The following ADAT1 variants were observed in gnomAD, a reference collection of about 807,000 sequenced individuals.
ADAT1 encodes the protein tRNA-specific adenosine deaminase 1.
In ADAT1, 58 loss-of-function variants were observed where a neutral mutation model predicts 58.6. That is an observed-to-expected ratio of 0.99 (90% CI 0.80 to 1.23). The LOEUF is 1.23. Among genes scored for constraint, ADAT1 ranks in the 50% most tolerant of loss-of-function variants. The probability of loss-of-function intolerance (pLI) is 0.00; values close to 1 mark genes in which losing one functional copy is unlikely to be tolerated. For missense variants in ADAT1, 741 were observed against 608.6 expected, an observed-to-expected ratio of 1.22 and a Z score of -2.29; for synonymous variants, 254 against 220.8, an observed-to-expected ratio of 1.15 and a Z score of -1.33.
chr16:75,620,512 A>G, intron 2 of ADAT1, 119 bp downstream of exon 2: 1 of 1,424,846 alleles, frequency 7.0e-7, no homozygotes, highest in Non-Finnish European at 9.7e-7. Flanking sequence ...GCAGAGGACA[A>G]GCACATATGC....
chr16:75,609,410 T>C (rs539477557), intron 6 of ADAT1, among the ~76,000 whole-genome samples: 1 of 152,236 alleles, frequency 6.6e-6, no homozygotes, highest in African/African-American at 2.4e-5. Context: ...GCCAACATGA[T>C]GCTGGTCTAG....
Position 75,597,990 on chromosome 16 carries a change from C to T in ADAT1, c.*2226G>A, listed in dbSNP as rs533287750. 8 of 154,068 alleles carry T rather than the reference C, an allele frequency of 5.2e-5. No individual in the cohort carries two copies. Among genetic ancestry groups the T allele is most frequent in the Non-Finnish European group, 1.2e-4 (8 of 69,202 alleles). The allele number at this position is 154,068 out of a possible 1,614,324, so 9.5% of individuals were successfully genotyped here. The stretch of plus-strand genomic sequence containing the variant: ...GGTCTGTGGCTCTGGGGCTGGGGGC[C>T]CCTGCCCTAAAGCTTTTAGAGGAAG... On this transcript the variant is annotated 3_prime_UTR_variant, in exon 10 of 10. Coordinates refer to ENST00000564657, the MANE Select transcript of ADAT1 (RefSeq NM_001324445.2).
intron 5 of ADAT1, among the ~76,000 whole-genome samples, chr16:75,614,170 A>G (rs2081635423): frequency 6.6e-6 from 1 of 152,114 alleles, no homozygotes; most frequent in African/African-American, 2.4e-5. Flanking sequence ...AGCCTGGGTG[A>G]CAGAGGGAGA....
rs2081982850 is a variant in ADAT1, at chr16:75,623,087, G to A, written c.-706C>T. 1 of 152,356 alleles carries A rather than the reference G, an allele frequency of 6.6e-6. No homozygotes were observed. The highest frequency in any genetic ancestry group is 2.1e-4 in the South Asian group (1 of 4,840). 9.4% of individuals were successfully genotyped at this position (152,356 alleles called of 1,614,324 possible). A position where few individuals can be genotyped will look rare whatever the true frequency, so the allele number is the denominator to read the frequency against. The stretch of plus-strand genomic sequence containing the variant: ...AGGAGCTCTTCAGGCGCCGGCTGCT[G>A]ACAGTTCCAGGCGTGGAGCGCCTTC... On this transcript the variant is annotated 5_prime_UTR_variant, in exon 1 of 10. Transcript: ENST00000564657.
At position 75,612,767 on chromosome 16, in the gene ADAT1, G is replaced by T; in HGVS notation, c.519C>A (p.Ala173=). The T allele has an allele frequency of 1.2e-6, 2 of 1,614,072 alleles. No homozygotes were observed. Among genetic ancestry groups the T allele is most frequent in the Non-Finnish European group, 1.7e-6 (2 of 1,180,020 alleles). Reference sequence around the variant, plus strand: ...TTCCAGGAGCTTCCAGGTTACTACTGGCTTCTACTGATGAGTTGTGGGCCC... The same window carrying T: ...TTCCAGGAGCTTCCAGGTTACTACTTGCTTCTACTGATGAGTTGTGGGCCC... ...RNWAHNSSVE[A]SSNLEAPGNE... The change falls in exon 6 of 10, where the codon GCC becomes GCA. Residue 173 remains alanine, a synonymous_variant. Coordinates refer to ENST00000564657, the MANE Select transcript of ADAT1 (RefSeq NM_001324445.2).
intron 1 of ADAT1, among the ~76,000 whole-genome samples, chr16:75,621,508 C>A (rs7186971): frequency 0.097 from 14,761 of 151,900 alleles, 2,415 homozygotes; most frequent in East Asian, 0.72. Context: ...TAGTATCTAA[C>A]CTATTTAGAT....
intron 3 of ADAT1, 175 bp from the exon 4 acceptor site, chr16:75,618,815 A>G: frequency 1.5e-6 from 1 of 667,884 alleles, no homozygotes; most frequent in Non-Finnish European, 2.4e-6. Flanking sequence ...AGGGTTTCTC[A>G]ACCCAGCACT....
chr16:75,600,088 C>A lies in ADAT1; in HGVS notation c.*128G>T. 6.6e-7 allele frequency: 1 copy of A among 1,526,062 alleles called. No individual in the cohort carries two copies. Among genetic ancestry groups the A allele is most frequent in the Non-Finnish European group, 8.8e-7 (1 of 1,135,794 alleles). 94.5% of individuals were successfully genotyped at this position (1,526,062 alleles called of 1,614,324 possible). A position where few individuals can be genotyped will look rare whatever the true frequency, so the allele number is the denominator to read the frequency against. ...TAAGTTCCAGATTCCATCTGTATTA[C>A]ACAACAGAGATGCAAAGCTCAGAAA... On this transcript the variant is annotated 3_prime_UTR_variant, in exon 10 of 10. Transcript: ENST00000564657.
In ADAT1 at chr16:75,597,353, C is replaced by CA. The variant is rs2081095677; in HGVS notation, c.*2862dup. 2.2e-6 allele frequency: 1 copy of CA among 450,274 alleles called. No homozygotes were observed. The highest frequency in any genetic ancestry group is 1.6e-5 in the South Asian group (1 of 63,116). The allele number at this position is 450,274 out of a possible 1,614,324, so 27.9% of individuals were successfully genotyped here. On this transcript the variant is annotated 3_prime_UTR_variant, in exon 10 of 10. Transcript: ENST00000564657. ...GACGGAGGGAGAAACTGAAGTGATG[C>CA]AGCCACAAGCCAAGGACTGCCAGGA... is the stretch of plus-strand genomic sequence containing the variant.
chr16:75,603,527 T>C (rs2081281192), intron 8 of ADAT1, among the ~76,000 whole-genome samples: 1 of 152,222 alleles, frequency 6.6e-6, no homozygotes, highest in African/African-American at 2.4e-5. Context: ...GAAAGCTTTG[T>C]TTCAGAGATC....
chr16:75,609,062 T>C (rs2081445742), intron 6 of ADAT1, 74 bp from the exon 7 acceptor site: 1 of 1,548,746 alleles, frequency 6.5e-7, no homozygotes, highest in African/African-American at 1.4e-5. Context: ...GTGGCTCACA[T>C]CATCACCCCT....
rs1597099628 is a variant in ADAT1, at chr16:75,606,054, G to GT, written c.1289+2169_1289+2170insA. Reference sequence around the variant, plus strand: ...CTGTTGTTTGTTTTTTAGAGATTGGGGGGGGGGTCTCATTTTGTTGCCCAG... The same window carrying GT: ...CTGTTGTTTGTTTTTTAGAGATTGGGTGGGGGGGTCTCATTTTGTTGCCCAG... On this transcript the variant is annotated intron_variant, in intron 8 of 9. Coordinates refer to ENST00000564657, the MANE Select transcript of ADAT1 (RefSeq NM_001324445.2). 3.3e-5 allele frequency among the ~76,000 whole-genome samples: 5 copies of GT among 150,130 alleles called. No homozygotes were observed. The East Asian group carries it at 1.0e-3, about 31-fold the overall frequency.
chr16:75,598,282 G>A lies in ADAT1; in HGVS notation c.*1934C>T. On this transcript the variant is annotated 3_prime_UTR_variant, in exon 10 of 10. Coordinates refer to ENST00000564657, the MANE Select transcript of ADAT1 (RefSeq NM_001324445.2). ...AGTAGAAAGGGGCTTCACCATGTTGGCCAGGATGGTCTTGATCTCCTGACG... is the reference window on the plus strand; with the variant it reads ...AGTAGAAAGGGGCTTCACCATGTTGACCAGGATGGTCTTGATCTCCTGACG... The A allele has an allele frequency of 5.9e-6, 2 of 339,096 alleles. No homozygotes were observed. The highest frequency in any genetic ancestry group is 2.3e-5 in the African/African-American group (1 of 44,254). The allele number at this position is 339,096 out of a possible 1,614,324, so 21.0% of individuals were successfully genotyped here. A position where few individuals can be genotyped will look rare whatever the true frequency, so the allele number is the denominator to read the frequency against.
At chr16:75,602,293 A>C (rs1406517642) in intron 9 of ADAT1, among the ~76,000 whole-genome samples, 1 of 152,218 alleles carries the variant, frequency 6.6e-6, no homozygotes, top group Non-Finnish European at 1.5e-5. Flanking sequence ...GATGCGCAGC[A>C]ATGTGCTGGG....
intron 8 of ADAT1, 45 bp downstream of exon 8, chr16:75,608,179 T>C (rs772566162): frequency 6.7e-7 from 1 of 1,496,384 alleles, no homozygotes; most frequent in Non-Finnish European, 9.3e-7. Flanking sequence ...AGTGGTAGAG[T>C]GTGAGTTCAC....
At position 75,612,462 on chromosome 16, in the gene ADAT1, C is replaced by G; in HGVS notation, c.824G>C (p.Gly275Ala). ...CAGCCCCACCTGGTGAAACGCAGCACCCGGCTTTCCGGAGTCTCCAGCTTC... is the reference window on the plus strand; with the variant it reads ...CAGCCCCACCTGGTGAAACGCAGCAGCCGGCTTTCCGGAGTCTCCAGCTTC... ...PGEAGDSGKPGAAFHQVGLLR... is the reference protein window; with the variant it reads ...PGEAGDSGKPAAAFHQVGLLR... The change falls in exon 6 of 10, where the codon GGT becomes GCT. Residue 275 changes from glycine (G) to alanine (A), a missense_variant. By Grantham distance (60) the Gly-to-Ala change is moderately conservative (BLOSUM62 0). Coordinates refer to ENST00000564657, the MANE Select transcript of ADAT1 (RefSeq NM_001324445.2). The G allele has an allele frequency of 6.2e-7, 1 of 1,614,228 alleles. No individual in the cohort carries two copies. Among genetic ancestry groups the G allele is most frequent in the Non-Finnish European group, 8.5e-7 (1 of 1,180,042 alleles).
intron 8 of ADAT1, among the ~76,000 whole-genome samples, chr16:75,604,522 T>TAC (rs2081321372): frequency 8.3e-6 from 1 of 121,046 alleles, no homozygotes; most frequent in Non-Finnish European, 1.7e-5. Context: ...CACACACATA[T>TAC]ATACATATAT....
chr16:75,611,420 C>T (rs1272976231), intron 6 of ADAT1, among the ~76,000 whole-genome samples: 1 of 152,072 alleles, frequency 6.6e-6, no homozygotes, highest in African/African-American at 2.4e-5. Flanking sequence ...GAGACAGGGT[C>T]TGTCACCCAG....
intron 1 of ADAT1, 69 bp from the exon 2 acceptor site, chr16:75,620,889 T>C (rs904413161): frequency 2.2e-5 from 30 of 1,345,194 alleles, no homozygotes; most frequent in Non-Finnish European, 2.8e-5. Context: ...CAGCCTCTCA[T>C]ATCCATGCTT....
Sources: allele counts gnomAD v4.1 joint callset (sites outside exome capture counted in the v4.1 genomes callset), GRCh38; gene constraint gnomAD v4.1.1; transcripts MANE v1.5; gene names NCBI Gene and HGNC (gene_info 2026-07-23, HGNC 2026-07-21).